Variants in RNGTT observed in about 807,000 individuals in gnomAD.
RNGTT encodes the protein RNA guanylyltransferase and 5'-phosphatase.
In RNGTT, 33 loss-of-function variants were observed where a neutral mutation model predicts 79.3. The observed-to-expected ratio is 0.42, with a 90% CI of 0.32 to 0.56. RNGTT has a LOEUF of 0.56. Ranked by LOEUF, RNGTT falls within the 20% of genes least tolerant of loss-of-function variation. The pLI, the probability that RNGTT is intolerant of heterozygous loss-of-function variation, is 0.17. For missense variants in RNGTT, 497 were observed against 739.1 expected, an observed-to-expected ratio of 0.67 and a Z score of 3.80; for synonymous variants, 222 against 235.9, an observed-to-expected ratio of 0.94 and a Z score of 0.54.
At chr6:88,683,494 C>T (rs369570918) in intron 13 of RNGTT, among the ~76,000 whole-genome samples, 2 of 151,978 alleles carry the variant, frequency 1.3e-5, no homozygotes, top group Non-Finnish European at 2.9e-5. Flanking sequence ...GCAAATTCTA[C>T]CAAAATTAAT....
At chr6:88,811,945 T>TC (rs1313701031) in intron 11 of RNGTT, among the ~76,000 whole-genome samples, 3 of 152,136 alleles carry the variant, frequency 2.0e-5, no homozygotes, top group African/African-American at 4.8e-5. Flanking sequence ...AAATTTGCAC[T>TC]CCCCTGGATA....
chr6:88,845,014 A>T (rs1781440731), intron 10 of RNGTT, among the ~76,000 whole-genome samples: 1 of 152,162 alleles, frequency 6.6e-6, no homozygotes, highest in Non-Finnish European at 1.5e-5. Context: ...GAATCATTTT[A>T]AAATAGAAAA....
intron 11 of RNGTT, among the ~76,000 whole-genome samples, chr6:88,811,672 G>A (rs1780143237): frequency 6.6e-6 from 1 of 152,106 alleles, no homozygotes; most frequent in Non-Finnish European, 1.5e-5. Flanking sequence ...AATCTCCAAT[G>A]TTATTAGAAA....
chr6:88,899,843 G>A (rs1388107417), intron 6 of RNGTT, among the ~76,000 whole-genome samples: 1 of 152,146 alleles, frequency 6.6e-6, no homozygotes, highest in Non-Finnish European at 1.5e-5. Flanking sequence ...GGAAATAAAA[G>A]CTGGAGTTAC....
chr6:88,681,755 T>C (rs1775102888), intron 13 of RNGTT, among the ~76,000 whole-genome samples: 1 of 152,164 alleles, frequency 6.6e-6, no homozygotes, highest in Non-Finnish European at 1.5e-5. Flanking sequence ...CTGACTCACT[T>C]GGTACCAGGT....
chr6:88,756,128 G>A (rs952016444), intron 13 of RNGTT, among the ~76,000 whole-genome samples: 1 of 151,926 alleles, frequency 6.6e-6, no homozygotes, highest in African/African-American at 2.4e-5. Context: ...AGAGGAAAAT[G>A]CAACTAATAC....
At chr6:88,680,451 G>A (rs577184026) in intron 13 of RNGTT, among the ~76,000 whole-genome samples, 1 of 152,034 alleles carries the variant, frequency 6.6e-6, no homozygotes, top group East Asian at 1.9e-4. Flanking sequence ...CGTTCTATAA[G>A]AGCCTACAGG....
chr6:88,793,843 A>G (rs1779502533), intron 12 of RNGTT, among the ~76,000 whole-genome samples: 1 of 152,226 alleles, frequency 6.6e-6, no homozygotes, highest in Non-Finnish European at 1.5e-5. Flanking sequence ...TCAATAGAAT[A>G]CAGTCATGTA....
At chr6:88,922,901 T>G (rs1186555637) in intron 4 of RNGTT, among the ~76,000 whole-genome samples, 3 of 152,202 alleles carry the variant, frequency 2.0e-5, no homozygotes, top group African/African-American at 4.8e-5. Flanking sequence ...ATGCAATCAA[T>G]ATGATGGAAA....
At chr6:88,880,330 T>G (rs1782657950) in intron 8 of RNGTT, among the ~76,000 whole-genome samples, 1 of 152,214 alleles carries the variant, frequency 6.6e-6, no homozygotes, top group Non-Finnish European at 1.5e-5. Context: ...CTCACCTACT[T>G]AAACAGATGT....
intron 14 of RNGTT, among the ~76,000 whole-genome samples, chr6:88,666,026 GA>G (rs1308839846): frequency 1.3e-5 from 2 of 152,214 alleles, no homozygotes; most frequent in African/African-American, 4.8e-5. Flanking sequence ...CCTAAGACCA[GA>G]AGGCAGTTGA....
At position 88,643,913 on chromosome 6, in the gene RNGTT, A is replaced by G. The variant is rs1773425300; in HGVS notation, c.1507-29518T>C. On this transcript the variant is annotated intron_variant, in intron 14 of 15. Transcript: ENST00000369485. ...CAAGAGAAAGCAGGAAAGATCTAAAATTGACACCCTAACATCACAATTAAA... is the reference window on the plus strand; with the variant it reads ...CAAGAGAAAGCAGGAAAGATCTAAAGTTGACACCCTAACATCACAATTAAA... Among the ~76,000 whole-genome samples, 3 of 152,252 alleles carry G rather than the reference A, an allele frequency of 2.0e-5. No individual in the cohort carries two copies. The South Asian group carries it at 6.2e-4, about 32-fold the overall frequency.
chr6:88,949,159 G>GAAAAAAAAAAAAAAAA lies in RNGTT; in HGVS notation c.65-7995_65-7980dup. Among the ~76,000 whole-genome samples the GAAAAAAAAAAAAAAAA allele has an allele frequency of 3.8e-4, 19 of 50,510 alleles. 2 individuals are homozygous for GAAAAAAAAAAAAAAAA. Among genetic ancestry groups the GAAAAAAAAAAAAAAAA allele is most frequent in the South Asian group, 6.2e-4 (1 of 1,622 alleles). The allele number at this position is 50,510 out of a possible 152,430, so 33.1% of individuals were successfully genotyped here. A position where few individuals can be genotyped will look rare whatever the true frequency, so the allele number is the denominator to read the frequency against. On this transcript the variant is annotated intron_variant, in intron 1 of 15. Coordinates refer to ENST00000369485, the MANE Select transcript of RNGTT (RefSeq NM_003800.5). ...AATAAAAAATAAAATAAAATAAAATGAAAAAAAAAAAAAAAAAAAGAAAAT... is the reference window on the plus strand; with the variant it reads ...AATAAAAAATAAAATAAAATAAAATGAAAAAAAAAAAAAAAAAAAAAAAAAAAAAAAAAAAGAAAAT...
At chr6:88,687,769 G>A (rs570886419) in intron 13 of RNGTT, among the ~76,000 whole-genome samples, 3 of 152,172 alleles carry the variant, frequency 2.0e-5, no homozygotes, top group African/African-American at 7.2e-5. Flanking sequence ...ATTACAGGAA[G>A]GCTAAAACAG....
chr6:88,875,833 A>G (rs1367884447), intron 8 of RNGTT, among the ~76,000 whole-genome samples: 1 of 152,180 alleles, frequency 6.6e-6, no homozygotes, highest in African/African-American at 2.4e-5. Context: ...TTTAAAATTC[A>G]TTTTCCTTTA....
intron 13 of RNGTT, among the ~76,000 whole-genome samples, chr6:88,751,585 A>G (rs1297386587): frequency 6.6e-6 from 1 of 152,142 alleles, no homozygotes; most frequent in Non-Finnish European, 1.5e-5. Context: ...GCTTCCATTT[A>G]TCAATATGAA....
At chr6:88,659,194 T>C (rs1393816084) in intron 14 of RNGTT, among the ~76,000 whole-genome samples, 1 of 152,064 alleles carries the variant, frequency 6.6e-6, no homozygotes, top group Admixed American at 6.6e-5. Flanking sequence ...TCTACTCAAA[T>C]GAGAAGGAAC....
chr6:88,614,607 G>T (rs1304748658), intron 14 of RNGTT, among the ~76,000 whole-genome samples: 1 of 152,146 alleles, frequency 6.6e-6, no homozygotes, highest in African/African-American at 2.4e-5. Context: ...ATAAATAATT[G>T]TGAAAATGGC....
In RNGTT at chr6:88,832,473, T is replaced by C. The variant is rs11969068; in HGVS notation, c.1269+11884A>G. The stretch of plus-strand genomic sequence containing the variant: ...GACTTAAACATAAGACCTAAACCCA[T>C]AAAAACCCTGTAAGAAAACCTAGGC... On this transcript the variant is annotated intron_variant, in intron 11 of 15. Transcript: ENST00000369485. 4.6e-3 allele frequency among the ~76,000 whole-genome samples: 705 copies of C among 152,102 alleles called. 2 individuals carry two copies. The highest frequency in any genetic ancestry group is 0.016 in the African/African-American group (666 of 41,466).
Sources: gnomAD v4.1 joint callset for allele counts (sites outside exome capture counted in the v4.1 genomes callset) on GRCh38, gnomAD v4.1.1 for gene constraint, MANE v1.5 for transcripts, NCBI Gene and HGNC (gene_info 2026-07-23, HGNC 2026-07-21) for gene names.